The following FAM13A variants were observed in gnomAD, a reference collection of about 807,000 sequenced individuals.
The protein encoded by FAM13A is family with sequence similarity 13 member A, also known as protein FAM13A.
A neutral mutation model predicts 129.6 loss-of-function variants in FAM13A; 76 were observed. The ratio of observed to expected loss-of-function variants is 0.59; its 90% confidence interval spans 0.49 to 0.71. FAM13A has a LOEUF of 0.71. FAM13A is among the 30% of genes least tolerant of loss of function. The pLI is 0.00. For missense variants in FAM13A, 1,108 were observed against 1,249.3 expected (o/e 0.89, Z 1.70); for synonymous variants, 443 against 449.9 (o/e 0.98, Z 0.20).
chr4:89,001,082 T>C (rs1169937055), intron 3 of FAM13A, among the ~76,000 whole-genome samples: 1 of 152,166 alleles, frequency 6.6e-6, no homozygotes, highest in Non-Finnish European at 1.5e-5. Flanking sequence ...TCAAAAGCCA[T>C]ATAAGGAAAA....
rs150395286 is a variant in FAM13A at position 88,777,615 on chromosome 4, G to A, written c.1458+3550C>T. 4.5e-3 allele frequency among the ~76,000 whole-genome samples: 680 copies of A among 152,242 alleles called. 1 individual carries two copies. Among genetic ancestry groups the A allele is most frequent in the Non-Finnish European group, 6.5e-3 (444 of 68,012 alleles). On this transcript the variant is annotated intron_variant, in intron 11 of 23. Transcript: ENST00000264344. The stretch of plus-strand genomic sequence containing the variant: ...GGTCATGATATCCTCGGGAGGCAAG[G>A]GACAGAGGGAGAAAGGAGCCAGATA...
At chr4:88,837,444 G>C (rs1003683992) in intron 7 of FAM13A, among the ~76,000 whole-genome samples, 7 of 150,946 alleles carry the variant, frequency 4.6e-5, no homozygotes, top group Non-Finnish European at 2.9e-5. Flanking sequence ...TGCCGGGCAC[G>C]GTGGCTCACG....
chr4:89,038,351 G>T (rs1230899869), intron 1 of FAM13A, among the ~76,000 whole-genome samples: 1 of 152,094 alleles, frequency 6.6e-6, no homozygotes, highest in Admixed American at 6.5e-5. Flanking sequence ...TGGAGCTAGG[G>T]TTAATAAATC....
Position 88,838,619 on chromosome 4 carries a change from C to G in FAM13A, c.1007+12401G>C, listed in dbSNP as rs568254160. The stretch of plus-strand genomic sequence containing the variant: ...GCGGGCGCCTGTAGTCCCAGCTACT[C>G]GGGAGGCTGAGGCAGGAGAATGGCG... On this transcript the variant is annotated intron_variant, in intron 7 of 23. Transcript: ENST00000264344. Among the ~76,000 whole-genome samples the G allele has an allele frequency of 2.5e-4, 38 of 151,746 alleles. No individual in the cohort carries two copies. The South Asian group carries it at 2.7e-3, about 11-fold the overall frequency.
intron 6 of FAM13A, among the ~76,000 whole-genome samples, chr4:88,866,997 T>C (rs892735374): frequency 2.6e-5 from 4 of 152,150 alleles, no homozygotes; most frequent in African/African-American, 9.7e-5. Context: ...GTTAGGTAAA[T>C]ATACAGTAGA....
intron 8 of FAM13A, among the ~76,000 whole-genome samples, chr4:88,793,550 C>T (rs147393657): frequency 6.6e-6 from 1 of 152,028 alleles, no homozygotes; most frequent in Non-Finnish European, 1.5e-5. Context: ...ATATTTTCCA[C>T]TGGTAATCAG....
chr4:89,013,772 T>A (rs115455265), intron 3 of FAM13A, among the ~76,000 whole-genome samples: 1 of 152,320 alleles, frequency 6.6e-6, no homozygotes, highest in East Asian at 1.9e-4. Flanking sequence ...GTTTATGTAG[T>A]TACTATACAG....
At chr4:88,864,751 G>T (rs2150049748) in intron 6 of FAM13A, among the ~76,000 whole-genome samples, 1 of 152,290 alleles carries the variant, frequency 6.6e-6, no homozygotes, top group Admixed American at 6.5e-5. Context: ...TTTGTGCTCT[G>T]CTTTATAAGC....
chr4:88,766,714 T>G (rs1230231916), intron 13 of FAM13A, among the ~76,000 whole-genome samples: 3 of 152,192 alleles, frequency 2.0e-5, no homozygotes, highest in Admixed American at 6.5e-5. Context: ...CTAGTAGGAT[T>G]TAATATATGT....
chr4:88,947,705 C>T (rs887197429), intron 4 of FAM13A, among the ~76,000 whole-genome samples: 3 of 151,754 alleles, frequency 2.0e-5, no homozygotes, highest in Admixed American at 6.6e-5. Flanking sequence ...AGCCAACTTC[C>T]TCTGCTTGAT....
intron 5 of FAM13A, among the ~76,000 whole-genome samples, chr4:88,929,256 G>A (rs552322376): frequency 3.3e-5 from 5 of 152,050 alleles, no homozygotes; most frequent in South Asian, 2.1e-4. Context: ...TGAAATGTCC[G>A]ATATTAGACT....
At chr4:88,827,874 C>T (rs1733279987) in intron 7 of FAM13A, among the ~76,000 whole-genome samples, 1 of 152,216 alleles carries the variant, frequency 6.6e-6, no homozygotes, top group Admixed American at 6.5e-5. Context: ...CTACCTCTTA[C>T]ATGAACCCCA....
chr4:88,923,356 G>A (rs529372070), intron 5 of FAM13A, among the ~76,000 whole-genome samples: 1 of 152,284 alleles, frequency 6.6e-6, no homozygotes, highest in South Asian at 2.1e-4. Context: ...TATCCACCAT[G>A]ATCAAGTGGG....
intron 5 of FAM13A, among the ~76,000 whole-genome samples, chr4:88,912,839 G>C (rs1749302613): frequency 6.6e-6 from 1 of 152,076 alleles, no homozygotes; most frequent in African/African-American, 2.4e-5. Flanking sequence ...AAATTAGGCA[G>C]GCATGGTGGC....
chr4:88,854,748 C>T (rs1029109840), intron 6 of FAM13A, among the ~76,000 whole-genome samples: 1 of 152,188 alleles, frequency 6.6e-6, no homozygotes, highest in Non-Finnish European at 1.5e-5. Flanking sequence ...ACATTCCATG[C>T]ATGTATCTGC....
intron 5 of FAM13A, among the ~76,000 whole-genome samples, chr4:88,928,585 A>C (rs1188641610): frequency 6.6e-6 from 1 of 152,062 alleles, no homozygotes; most frequent in African/African-American, 2.4e-5. Flanking sequence ...TTTTTGATTT[A>C]AAGTTTGTTT....
chr4:88,753,710 C>T (rs564605817), intron 14 of FAM13A: 2 of 543,944 alleles, frequency 3.7e-6, no homozygotes, highest in Admixed American at 1.3e-4. Flanking sequence ...ACATGTAATA[C>T]ACAGTTCAGT....
chr4:88,972,822 G>A (rs1283657032), intron 4 of FAM13A, among the ~76,000 whole-genome samples: 2 of 152,092 alleles, frequency 1.3e-5, no homozygotes, highest in Non-Finnish European at 2.9e-5. Flanking sequence ...CAGCCAGCAT[G>A]GTCTCGAACT....
chr4:88,902,788 G>A (rs552899710), intron 6 of FAM13A, among the ~76,000 whole-genome samples: 22 of 152,156 alleles, frequency 1.4e-4, no homozygotes, highest in South Asian at 6.2e-4. Context: ...GAAATAAACC[G>A]TATTCAAATA....
Sources: allele counts gnomAD v4.1 joint callset (sites outside exome capture counted in the v4.1 genomes callset), GRCh38; gene constraint gnomAD v4.1.1; transcripts MANE v1.5; gene names NCBI Gene and HGNC (gene_info 2026-07-23, HGNC 2026-07-21).